The following GABPA variants were observed in gnomAD, a reference collection of about 807,000 sequenced individuals.
The protein encoded by GABPA is GA-binding protein alpha chain.
In GABPA, 4 loss-of-function variants were observed where a neutral mutation model predicts 59.4. The ratio of observed to expected loss-of-function variants is 0.07; its 90% confidence interval spans 0.03 to 0.15. The LOEUF (loss-of-function observed/expected upper bound fraction) is 0.15. Ranked by LOEUF, GABPA falls within the 10% of genes least tolerant of loss-of-function variation. The pLI is 1.00. For synonymous variants in GABPA, 164 were observed against 183.1 expected, an observed-to-expected ratio of 0.90 and a Z score of 0.84; for missense variants, 251 against 543.8, an observed-to-expected ratio of 0.46 and a Z score of 5.36.
At chr21:25,767,464 A>G (rs71651650) in intron 9 of GABPA, among the ~76,000 whole-genome samples, 2 of 151,980 alleles carry the variant, frequency 1.3e-5, no homozygotes, top group Non-Finnish European at 2.9e-5. Context: ...AAATGCTACT[A>G]TATACAGTTG....
chr21:25,740,124 A>C (rs1236795062), intron 1 of GABPA, among the ~76,000 whole-genome samples: 4 of 152,178 alleles, frequency 2.6e-5, no homozygotes, highest in East Asian at 1.9e-4. Flanking sequence ...AATGATACCT[A>C]CTTAGGTTGA....
intron 3 of GABPA, among the ~76,000 whole-genome samples, chr21:25,745,677 G>A (rs1238927992): frequency 6.6e-6 from 1 of 152,172 alleles, no homozygotes; most frequent in Non-Finnish European, 1.5e-5. Flanking sequence ...TTTTGAAGCT[G>A]AAGTGTATTT....
intron 8 of GABPA, 100 bp downstream of exon 8, chr21:25,764,450 C>T: frequency 7.0e-7 from 1 of 1,425,242 alleles, no homozygotes; most frequent in African/African-American, 1.5e-5. Flanking sequence ...GACTATCCCT[C>T]TGGCAGTTTT....
chr21:25,766,152 A>G (rs1305854487), intron 9 of GABPA, among the ~76,000 whole-genome samples: 1 of 151,970 alleles, frequency 6.6e-6, no homozygotes, highest in Non-Finnish European at 1.5e-5. Context: ...AAGAAATGGC[A>G]GTGGGGAGAA....
rs1444503405 is a variant in GABPA at position 25,771,765 on chromosome 21, A to G, written c.*2533A>G. Reference sequence around the variant, plus strand: ...AAGAATTTAAGTAAAAGAAATGTTCATTTTTGTTTTAAAATTTGTTTTCCA... The same window carrying G: ...AAGAATTTAAGTAAAAGAAATGTTCGTTTTTGTTTTAAAATTTGTTTTCCA... On this transcript the variant is annotated 3_prime_UTR_variant, in exon 10 of 10. Coordinates refer to ENST00000400075, the MANE Select transcript of GABPA (RefSeq NM_002040.4). 1 of 152,046 alleles carries G rather than the reference A, an allele frequency of 6.6e-6. No individual in the cohort carries two copies. Among genetic ancestry groups the G allele is most frequent in the African/African-American group, 2.4e-5 (1 of 41,444 alleles). The allele number at this position is 152,046 out of a possible 1,614,324, so 9.4% of individuals were successfully genotyped here.
rs554460426 is a variant in GABPA, at chr21:25,744,482, C to T, written c.78-728C>T. On this transcript the variant is annotated intron_variant, in intron 2 of 9. Coordinates refer to ENST00000400075, the MANE Select transcript of GABPA (RefSeq NM_002040.4). ...TGACAATCACAAATAAGATTTAAAT[C>T]ATATTTAAATTAAACATGTTGGAAT... Among the ~76,000 whole-genome samples, 19 of 152,186 alleles carry T rather than the reference C, an allele frequency of 1.2e-4. No homozygotes were observed. The South Asian group carries it at 3.9e-3, about 32-fold the overall frequency.
In GABPA at chr21:25,745,258, A is replaced by T. The variant is rs753178683; in HGVS notation, c.126A>T (p.Ile42=). 1.2e-6 allele frequency: 2 copies of T among 1,614,048 alleles called. No homozygotes were observed. The highest frequency in any genetic ancestry group is 1.7e-6 in the Non-Finnish European group (2 of 1,179,938). Residue 42 remains isoleucine, a synonymous_variant, in exon 3 of 10, where the codon ATA becomes ATT. Coordinates refer to ENST00000400075, the MANE Select transcript of GABPA (RefSeq NM_002040.4). ...YAPAECVSQA[I]DINEPIGNLK... ...CAGCTGAATGTGTAAGCCAGGCCAT[A>T]GACATCAATGAACCAATAGGCAATT...
At chr21:25,767,390 GA>G (rs1434682890) in intron 9 of GABPA, among the ~76,000 whole-genome samples, 5 of 151,718 alleles carry the variant, frequency 3.3e-5, no homozygotes, top group South Asian at 4.2e-4. Context: ...GGGAAGAAAA[GA>G]AATCATATCC....
intron 7 of GABPA, chr21:25,763,108 C>G (rs772316357): frequency 2.1e-6 from 1 of 468,668 alleles, no homozygotes. Flanking sequence ...TAATATCCAT[C>G]TCCATTTTCA....
At chr21:25,743,444 C>T (rs1031719861) in intron 2 of GABPA, among the ~76,000 whole-genome samples, 1 of 152,126 alleles carries the variant, frequency 6.6e-6, no homozygotes, top group South Asian at 2.1e-4. Context: ...TATGTACTAT[C>T]TGACCTTTTG....
chr21:25,748,957 CATTT>C (rs1194678432), intron 3 of GABPA, 75 bp from the exon 4 acceptor site: 5 of 821,836 alleles, frequency 6.1e-6, no homozygotes, highest in Non-Finnish European at 6.4e-6. Context: ...TTGGTACATC[CATTT>C]ATTCTAAACC....
intron 2 of GABPA, among the ~76,000 whole-genome samples, chr21:25,742,779 C>T (rs2035256380): frequency 6.7e-6 from 1 of 149,588 alleles, no homozygotes; most frequent in African/African-American, 2.5e-5. Context: ...AAAAAATAGC[C>T]TGGCCTGGTG....
chr21:25,758,471 C>T (rs1254975852), intron 6 of GABPA, among the ~76,000 whole-genome samples: 1 of 152,154 alleles, frequency 6.6e-6, no homozygotes, highest in East Asian at 1.9e-4. Flanking sequence ...AGTGGCAGAG[C>T]CAGGATTCAA....
intron 3 of GABPA, 140 bp downstream of exon 3, chr21:25,745,494 G>T: frequency 1.5e-6 from 1 of 685,846 alleles, no homozygotes. Context: ...TAAGTGTTTA[G>T]AAATAAAAAG....
chr21:25,743,847 T>C (rs969843861), intron 2 of GABPA, among the ~76,000 whole-genome samples: 1 of 151,876 alleles, frequency 6.6e-6, no homozygotes, highest in Non-Finnish European at 1.5e-5. Flanking sequence ...GGTCAAGAGA[T>C]CGAGACCATC....
At chr21:25,742,996 A>G (rs989122936) in intron 2 of GABPA, among the ~76,000 whole-genome samples, 1 of 152,046 alleles carries the variant, frequency 6.6e-6, no homozygotes, top group Non-Finnish European at 1.5e-5. Flanking sequence ...CCTGGGAGCA[A>G]CTTACCTGGG....
chr21:25,749,298 A>G (rs1226246752), intron 4 of GABPA, among the ~76,000 whole-genome samples, 178 bp downstream of exon 4: 1 of 152,218 alleles, frequency 6.6e-6, no homozygotes, highest in African/African-American at 2.4e-5. Context: ...AGTACAACAC[A>G]TTCTACTTAG....
At chr21:25,745,499 A>G (rs1244846801) in intron 3 of GABPA, 145 bp downstream of exon 3, 1 of 674,584 alleles carries the variant, frequency 1.5e-6, no homozygotes, top group South Asian at 4.1e-5. Context: ...GTTTAGAAAT[A>G]AAAAGGTTTT....
At chr21:25,756,598 C>T (rs2123546437) in intron 5 of GABPA, among the ~76,000 whole-genome samples, 1 of 152,326 alleles carries the variant, frequency 6.6e-6, no homozygotes, top group South Asian at 2.1e-4. Flanking sequence ...TGAATGCATG[C>T]TTCTTGGCTG....
Sources: allele counts gnomAD v4.1 joint callset (sites outside exome capture counted in the v4.1 genomes callset), GRCh38; gene constraint gnomAD v4.1.1; transcripts MANE v1.5; gene names NCBI Gene and HGNC (gene_info 2026-07-23, HGNC 2026-07-21).